Variants in TRPC6 observed in about 807,000 individuals in gnomAD.
TRPC6 encodes the protein short transient receptor potential channel 6.
A neutral mutation model predicts 90.7 loss-of-function variants in TRPC6; 55 were observed. That is an observed-to-expected ratio of 0.61 (90% confidence interval 0.49 to 0.76). The LOEUF is 0.76. Among genes scored for constraint, TRPC6 ranks in the 30% least tolerant of loss-of-function variants. The pLI is 0.00. For missense variants in TRPC6, 989 were observed against 1,122.7 expected, an observed-to-expected ratio of 0.88 and a Z score of 1.70; for synonymous variants, 393 against 393.0, an observed-to-expected ratio of 1.00 and a Z score of 0.00.
intron 1 of TRPC6, among the ~76,000 whole-genome samples, chr11:101,543,461 A>C (rs1363347129): frequency 6.6e-6 from 1 of 152,176 alleles, no homozygotes; most frequent in Non-Finnish European, 1.5e-5. Context: ...ATGCTACCTG[A>C]CTTCAAACTA....
At chr11:101,488,094 G>C (rs1353754499) in intron 4 of TRPC6, among the ~76,000 whole-genome samples, 1 of 152,130 alleles carries the variant, frequency 6.6e-6, no homozygotes, top group African/African-American at 2.4e-5. Flanking sequence ...TTAATAGATG[G>C]TCCAAAAGAC....
chr11:101,559,709 G>T (rs1415879364), intron 1 of TRPC6, among the ~76,000 whole-genome samples: 2 of 150,290 alleles, frequency 1.3e-5, no homozygotes, highest in African/African-American at 4.9e-5. Flanking sequence ...ATGTATACGT[G>T]TGCCATGTTG....
intron 1 of TRPC6, among the ~76,000 whole-genome samples, chr11:101,555,197 C>G (rs1328307549): frequency 6.6e-6 from 1 of 152,144 alleles, no homozygotes; most frequent in African/African-American, 2.4e-5. Flanking sequence ...TTGATGAAAT[C>G]AGGCTTCACC....
At chr11:101,509,271 G>A (rs747059985) in intron 1 of TRPC6, among the ~76,000 whole-genome samples, 81 of 151,524 alleles carry the variant, frequency 5.3e-4, no homozygotes, top group Non-Finnish European at 9.9e-4. Context: ...GTTAATTTTT[G>A]TATTTTTTTT....
At chr11:101,498,761 G>C (rs185530466) in intron 2 of TRPC6, among the ~76,000 whole-genome samples, 43 of 151,668 alleles carry the variant, frequency 2.8e-4, no homozygotes, top group African/African-American at 9.0e-4. Context: ...ATAATTTTTA[G>C]GGAATCAATT....
chr11:101,506,504 A>G (rs1860270851), intron 1 of TRPC6, among the ~76,000 whole-genome samples: 1 of 152,152 alleles, frequency 6.6e-6, no homozygotes, highest in Non-Finnish European at 1.5e-5. Flanking sequence ...AGGAGCTTGA[A>G]GAGTATACCA....
chr11:101,453,181 G>A, intron 12 of TRPC6, 75 bp from the exon 13 acceptor site: 8 of 1,368,966 alleles, frequency 5.8e-6, no homozygotes, highest in Admixed American at 1.7e-5. Flanking sequence ...GGGACAGGAG[G>A]AAATCAGCTC....
intron 4 of TRPC6, among the ~76,000 whole-genome samples, chr11:101,486,744 C>T (rs1018609525): frequency 9.9e-5 from 15 of 152,046 alleles, no homozygotes; most frequent in Non-Finnish European, 1.9e-4. Flanking sequence ...TACTGATGTT[C>T]ATGGATATAT....
intron 5 of TRPC6, among the ~76,000 whole-genome samples, chr11:101,479,070 C>G (rs1316502178): frequency 6.6e-6 from 1 of 152,174 alleles, no homozygotes; most frequent in Non-Finnish European, 1.5e-5. Flanking sequence ...GGGTCTTACA[C>G]CATGCCTCAC....
At chr11:101,468,343 G>A (rs765227144) in intron 10 of TRPC6, among the ~76,000 whole-genome samples, 1 of 152,086 alleles carries the variant, frequency 6.6e-6, no homozygotes, top group Non-Finnish European at 1.5e-5. Context: ...ACATGCTAGT[G>A]GAAGGGATGG....
chr11:101,583,757 G>C lies in TRPC6; in HGVS notation c.-254C>G, dbSNP rs3824934. ...GAGCAGGTCAGGCCGAGGAGACCCCGCGAGGATGCGTCTGGGGCGCCCGGG... is the reference window on the plus strand; with the variant it reads ...GAGCAGGTCAGGCCGAGGAGACCCCCCGAGGATGCGTCTGGGGCGCCCGGG... On this transcript the variant is annotated 5_prime_UTR_variant, in exon 1 of 13. Transcript: ENST00000344327. 0.11 allele frequency: 43,688 copies of C among 394,526 alleles called. 4,279 individuals carry two copies. The highest frequency in any genetic ancestry group is 0.43 in the East Asian group (11,492 of 26,696). 24.4% of individuals were successfully genotyped at this position (394,526 alleles called of 1,614,324 possible). A position where few individuals can be genotyped will look rare whatever the true frequency, so the allele number is the denominator to read the frequency against.
intron 1 of TRPC6, among the ~76,000 whole-genome samples, chr11:101,568,266 G>GT (rs1168139065): frequency 4.6e-5 from 7 of 152,016 alleles, no homozygotes; most frequent in Non-Finnish European, 1.0e-4. Context: ...GGAAGAAACT[G>GT]TATCAGAAGA....
At chr11:101,544,108 A>ATG (rs1861240260) in intron 1 of TRPC6, among the ~76,000 whole-genome samples, 1 of 152,218 alleles carries the variant, frequency 6.6e-6, no homozygotes, top group East Asian at 1.9e-4. Flanking sequence ...ACATTTATGC[A>ATG]GCCAACAAAC....
At chr11:101,520,327 G>A (rs1174980533) in intron 1 of TRPC6, among the ~76,000 whole-genome samples, 2 of 152,008 alleles carry the variant, frequency 1.3e-5, no homozygotes, top group Non-Finnish European at 2.9e-5. Flanking sequence ...AGTTTCCTGA[G>A]GCCTCCTCAG....
chr11:101,557,631 A>C (rs7932069), intron 1 of TRPC6, among the ~76,000 whole-genome samples: 23,646 of 115,546 alleles, frequency 0.2, 2,703 homozygotes, highest in East Asian at 0.55. Context: ...CACACACACA[A>C]AAAAAAACCT....
intron 1 of TRPC6, among the ~76,000 whole-genome samples, chr11:101,519,633 T>C (rs1346725792): frequency 1.3e-5 from 2 of 152,048 alleles, no homozygotes; most frequent in Non-Finnish European, 2.9e-5. Flanking sequence ...CATGGTGGTG[T>C]CCTGGGCTTC....
At chr11:101,496,377 G>A (rs1859950345) in intron 2 of TRPC6, among the ~76,000 whole-genome samples, 1 of 152,114 alleles carries the variant, frequency 6.6e-6, no homozygotes, top group Admixed American at 6.5e-5. Flanking sequence ...CAGGATAATT[G>A]TCACCAGATG....
At chr11:101,523,563 A>G (rs1430425404) in intron 1 of TRPC6, among the ~76,000 whole-genome samples, 1 of 152,262 alleles carries the variant, frequency 6.6e-6, no homozygotes, top group Non-Finnish European at 1.5e-5. Context: ...TAAACTTTGT[A>G]GACTAAATCT....
intron 1 of TRPC6, among the ~76,000 whole-genome samples, chr11:101,582,971 G>A (rs1862232757): frequency 2.0e-5 from 3 of 152,172 alleles, no homozygotes; most frequent in Admixed American, 2.0e-4. Context: ...CCCCTGTTCA[G>A]ATCCCGCCTG....
Sources: gnomAD v4.1 joint callset for allele counts (sites outside exome capture counted in the v4.1 genomes callset) on GRCh38, gnomAD v4.1.1 for gene constraint, MANE v1.5 for transcripts, NCBI Gene and HGNC (gene_info 2026-07-23, HGNC 2026-07-21) for gene names.